Variants in RUVBL1 observed in about 807,000 individuals in gnomAD.
The protein encoded by RUVBL1 is ruvB-like 1.
In RUVBL1, 4 loss-of-function variants were observed where a neutral mutation model predicts 52.4. The observed-to-expected ratio is 0.08, with a 90% CI of 0.04 to 0.17. The LOEUF is 0.17. Ranked by LOEUF, RUVBL1 falls within the 10% of genes least tolerant of loss-of-function variation. The probability of loss-of-function intolerance (pLI) is 1.00; values close to 1 mark genes in which losing one functional copy is unlikely to be tolerated. For synonymous variants in RUVBL1, 217 were observed against 214.4 expected (o/e 1.01, Z -0.10); for missense variants, 298 against 572.8 (o/e 0.52, Z 4.90).
intron 8 of RUVBL1, among the ~76,000 whole-genome samples, chr3:128,096,753 G>A (rs1312724689): frequency 6.6e-6 from 1 of 152,096 alleles, no homozygotes; most frequent in Non-Finnish European, 1.5e-5. Flanking sequence ...TGTGAACCCG[G>A]GAGGTGGAGC....
In RUVBL1 at chr3:128,081,145, G is replaced by A. The variant is rs1942461826; in HGVS notation, c.*105C>T. The A allele has an allele frequency of 3.4e-6, 4 of 1,162,496 alleles. No homozygotes were observed. Among genetic ancestry groups the A allele is most frequent in the East Asian group, 2.4e-5 (1 of 42,358 alleles). 72.0% of individuals were successfully genotyped at this position (1,162,496 alleles called of 1,614,324 possible). On this transcript the variant is annotated 3_prime_UTR_variant, in exon 11 of 11. Coordinates refer to ENST00000322623, the MANE Select transcript of RUVBL1 (RefSeq NM_003707.3). This position sits in a 1 kb window ranked among gnomAD's most constrained non-coding sequence, Gnocchi z 4.8. The stretch of plus-strand genomic sequence containing the variant: ...CTGAACTGACAGCGCTGCAGACCAC[G>A]CCTGAGTGGGGACGGCAGCCCCAAG...
chr3:128,100,357 G>A (rs1383965614), intron 6 of RUVBL1, among the ~76,000 whole-genome samples: 1 of 152,170 alleles, frequency 6.6e-6, no homozygotes, highest in Non-Finnish European at 1.5e-5. Context: ...GCTAGCTCAG[G>A]GCCAGAGGCT....
At chr3:128,088,067 G>A (rs953396193) in intron 8 of RUVBL1, among the ~76,000 whole-genome samples, 1 of 151,912 alleles carries the variant, frequency 6.6e-6, no homozygotes, top group Non-Finnish European at 1.5e-5. Flanking sequence ...GTTCAAGAAC[G>A]GCTGGCCAAC....
intron 8 of RUVBL1, among the ~76,000 whole-genome samples, chr3:128,096,592 T>C (rs1315224926): frequency 6.6e-6 from 1 of 152,088 alleles, no homozygotes; most frequent in East Asian, 1.9e-4. Flanking sequence ...TTTGGGAGGC[T>C]GAGGCGGGCA....
intron 1 of RUVBL1, among the ~76,000 whole-genome samples, chr3:128,134,732 T>G (rs1451088102): frequency 6.7e-6 from 1 of 148,184 alleles, no homozygotes; most frequent in Non-Finnish European, 1.5e-5. Flanking sequence ...GCCTGGGAGG[T>G]CAAGGCAGCA....
intron 5 of RUVBL1, 128 bp from the exon 6 acceptor site, chr3:128,100,872 A>G: frequency 9.8e-7 from 1 of 1,020,358 alleles, no homozygotes; most frequent in Non-Finnish European, 1.4e-6. Context: ...ACAAACTCCA[A>G]ATATGCCCCA....
intron 1 of RUVBL1, among the ~76,000 whole-genome samples, chr3:128,138,797 A>C (rs989642200): frequency 6.6e-6 from 1 of 152,202 alleles, no homozygotes; most frequent in East Asian, 1.9e-4. Context: ...CTGACTTCAA[A>C]TTATGCTACA....
Position 128,152,718 on chromosome 3 carries a change from G to A in RUVBL1, c.-40+485C>T, listed in dbSNP as rs111833071. On this transcript the variant is annotated intron_variant, in intron 1 of 9. Coordinates refer to the RUVBL1 transcript ENST00000464873. ...TCTCGCTGACTTCAAGAATGGAGCC[G>A]CGGACCTTCGCAGTGAGTGTTAAAG... 2.8e-3 allele frequency among the ~76,000 whole-genome samples: 427 copies of A among 152,214 alleles called. 12 individuals carry two copies. In the East Asian group the frequency reaches 0.053, roughly 19 times the overall value.
chr3:128,090,477 T>C (rs1461816554), intron 8 of RUVBL1, among the ~76,000 whole-genome samples: 1 of 151,822 alleles, frequency 6.6e-6, no homozygotes, highest in Admixed American at 6.6e-5. Flanking sequence ...CGAGATCGTG[T>C]CACTGCACTC....
exon 1 of RUVBL1, chr3:128,153,436 G>A (rs997093927): frequency 3.2e-5 from 45 of 1,425,276 alleles, no homozygotes; most frequent in East Asian, 1.1e-4. Flanking sequence ...GCAACTTAAC[G>A]GGCCGGACCG....
At chr3:128,065,445 CT>C (rs1941938660) in intron 9 of RUVBL1, among the ~76,000 whole-genome samples, 1 of 152,160 alleles carries the variant, frequency 6.6e-6, no homozygotes, top group Non-Finnish European at 1.5e-5. Flanking sequence ...GCTGTCTTAC[CT>C]TTAAAAGTAT....
At chr3:128,086,400 C>T (rs1038336670) in intron 9 of RUVBL1, among the ~76,000 whole-genome samples, 2 of 152,240 alleles carry the variant, frequency 1.3e-5, no homozygotes, top group Non-Finnish European at 2.9e-5. Flanking sequence ...CTGCTCAACA[C>T]GATGCTCAAC....
At chr3:128,101,682 C>G in intron 4 of RUVBL1, 34 bp from the exon 5 acceptor site, 1 of 1,592,570 alleles carries the variant, frequency 6.3e-7, no homozygotes, top group Non-Finnish European at 8.6e-7. Flanking sequence ...AAGTGTAATA[C>G]ATATTCCATT....
At chr3:128,075,108 A>C (rs1328060229) in intron 9 of RUVBL1, 1 of 152,212 alleles carries the variant, frequency 6.6e-6, no homozygotes, top group East Asian at 1.9e-4. Flanking sequence ...CTGCAATACC[A>C]GGTGGATGCA....
chr3:128,098,679 G>A (rs1204427755), intron 7 of RUVBL1, among the ~76,000 whole-genome samples: 1 of 152,200 alleles, frequency 6.6e-6, no homozygotes, highest in Non-Finnish European at 1.5e-5. Flanking sequence ...GACTGCAGTG[G>A]GGCAGATAGC....
downstream of RUVBL1, among the ~76,000 whole-genome samples, chr3:128,076,892 G>A (rs937499532): frequency 2.6e-5 from 4 of 152,138 alleles, no homozygotes; most frequent in African/African-American, 7.2e-5. This position sits in a 1 kb window ranked among gnomAD's most constrained non-coding sequence, Gnocchi z 6.8. Flanking sequence ...GCATGCCCGC[G>A]CCCTCCCCGC....
At chr3:128,075,808 G>A (rs981062408) in intron 9 of RUVBL1, 2 of 152,396 alleles carry the variant, frequency 1.3e-5, no homozygotes, top group African/African-American at 4.8e-5. Context: ...CGCGGCCCTG[G>A]AACGCTGTGG....
chr3:128,067,070 G>T lies in RUVBL1; in HGVS notation c.940-1850C>A. 6.2e-7 allele frequency: 1 copy of T among 1,614,212 alleles called. No individual in the cohort carries two copies. Among genetic ancestry groups the T allele is most frequent in the Middle Eastern group, 1.6e-4 (1 of 6,062 alleles). On this transcript the variant is annotated intron_variant, in intron 9 of 9. Transcript: ENST00000464873. This position sits in a 1 kb window ranked among gnomAD's most constrained non-coding sequence, Gnocchi z 4.1. The stretch of plus-strand genomic sequence containing the variant: ...CCATCATCCTGCAGTCTGCCCTGGT[G>T]TCCAACCTTTATGTCATCTCCCAAA...
chr3:128,133,267 C>T (rs1943907009), intron 1 of RUVBL1, among the ~76,000 whole-genome samples: 1 of 152,220 alleles, frequency 6.6e-6, no homozygotes, highest in East Asian at 1.9e-4. Context: ...TGACTCCAGG[C>T]CCCAGCTCCT....
Sources: allele counts gnomAD v4.1 joint callset (sites outside exome capture counted in the v4.1 genomes callset), GRCh38; gene constraint gnomAD v4.1.1; non-coding constraint Gnocchi (gnomAD v3.1); transcripts MANE v1.5; gene names NCBI Gene and HGNC (gene_info 2026-07-23, HGNC 2026-07-21).